The following HMCN1 variants were observed in gnomAD, a reference collection of about 807,000 sequenced individuals.
HMCN1 encodes the protein hemicentin 1, also known as hemicentin-1.
HMCN1 carries 321 observed loss-of-function variants against 625.9 expected under a neutral mutation model. The observed-to-expected ratio is 0.51, with a 90% confidence interval of 0.47 to 0.56. The LOEUF (loss-of-function observed/expected upper bound fraction) is 0.56. HMCN1 is among the 20% of genes least tolerant of loss of function. HMCN1 has a pLI of 0.00. For synonymous variants in HMCN1, 2,425 were observed against 2,417.6 expected (o/e 1.00, Z -0.09); for missense variants, 6,588 against 6,887.3 (o/e 0.96, Z 1.54).
chr1:186,182,098 A>C, intron 104 of HMCN1, 70 bp from the exon 105 acceptor site: 1 of 1,567,820 alleles, frequency 6.4e-7, no homozygotes, highest in Non-Finnish European at 8.8e-7. Context: ...CAACTTGATG[A>C]GAGTTGGCTC....
Position 186,117,490 on chromosome 1 carries a change from T to A in HMCN1, c.11715T>A (p.Asp3905Glu). 1.2e-6 allele frequency: 2 copies of A among 1,613,936 alleles called. No homozygotes were observed. Among genetic ancestry groups the A allele is most frequent in the Non-Finnish European group, 1.7e-6 (2 of 1,179,856 alleles). The change falls in exon 77 of 107, where the codon GAT (aspartate) becomes GAA (glutamate). Residue 3905 changes from aspartate to glutamate, a missense_variant. Asp to Glu is a conservative substitution (Grantham distance 45). This residue lies in a region of HMCN1 where 4,628 missense variants were observed against 4,853.1 expected (regional missense o/e 0.95). Transcript: ENST00000271588. ...VPPSIADEPT[D>E]FLVTKHAPAV... ...CTTCCATAGCTGATGAGCCTACAGA[T>A]TTCCTAGTAACCAAACATGCCCCAG...
At chr1:185,777,268 A>G (rs998500774) in intron 1 of HMCN1, among the ~76,000 whole-genome samples, 3 of 152,178 alleles carry the variant, frequency 2.0e-5, no homozygotes, top group African/African-American at 4.8e-5. Flanking sequence ...GAAGGCATCA[A>G]TGCAGAACAT....
At chr1:186,113,379 A>G (rs1660979059) in intron 72 of HMCN1, among the ~76,000 whole-genome samples, 1 of 152,254 alleles carries the variant, frequency 6.6e-6, no homozygotes, top group Non-Finnish European at 1.5e-5. Context: ...GCCAACATCT[A>G]GGAAGATAAT....
chr1:185,970,346 T>G lies in HMCN1; in HGVS notation c.2224T>G (p.Leu742Val). 6.2e-7 allele frequency: 1 copy of G among 1,613,578 alleles called. No individual in the cohort carries two copies. The part of the protein sequence containing the change: ...QVKWFKGDLE[L>V]RPSTFLIIDP... ...TTGTTTTGACTTAGGAGATCTTGAGTTGAGGCCCTCAACATTCCTCATTAT... is the reference window on the plus strand; with the variant it reads ...TTGTTTTGACTTAGGAGATCTTGAGGTGAGGCCCTCAACATTCCTCATTAT... The change falls in exon 15 of 107, where the codon TTG becomes GTG. Residue 742 changes from leucine to valine, a missense_variant. Leu to Val is a conservative substitution (Grantham distance 32). Around this residue, in one of 3 missense-constraint regions of HMCN1, gnomAD observed 4,628 missense variants for 4,853.1 expected, o/e 0.95. Transcript: ENST00000271588.
chr1:186,122,602 G>C (rs2102494257), intron 80 of HMCN1, among the ~76,000 whole-genome samples: 1 of 152,350 alleles, frequency 6.6e-6, no homozygotes, highest in Non-Finnish European at 1.5e-5. Context: ...CATTTTGGAA[G>C]TTTAAATACC....
chr1:186,103,377 T>G, intron 68 of HMCN1, 95 bp from the exon 69 acceptor site: 3 of 961,332 alleles, frequency 3.1e-6, no homozygotes, highest in Non-Finnish European at 5.0e-6. Flanking sequence ...TTTTATCATG[T>G]GAATGTGAAT....
At chr1:185,914,026 A>C (rs1417406604) in intron 6 of HMCN1, among the ~76,000 whole-genome samples, 2 of 152,244 alleles carry the variant, frequency 1.3e-5, no homozygotes, top group African/African-American at 4.8e-5. Flanking sequence ...TTTATCTTAA[A>C]TGTTTATCTA....
intron 70 of HMCN1, among the ~76,000 whole-genome samples, chr1:186,108,048 A>AG (rs1660701618): frequency 6.6e-6 from 1 of 151,238 alleles, no homozygotes; most frequent in African/African-American, 2.4e-5. Context: ...AAAAAAAAAA[A>AG]AAAAAAAAAA....
chr1:185,869,499 T>C (rs1489864791), intron 4 of HMCN1, among the ~76,000 whole-genome samples: 1 of 152,108 alleles, frequency 6.6e-6, no homozygotes, highest in African/African-American at 2.4e-5. Flanking sequence ...TGCTAGAAAT[T>C]AGATGTCTGA....
Position 186,146,022 on chromosome 1 carries a change from G to A in HMCN1, c.14608+99G>A, listed in dbSNP as rs547322297. On this transcript the variant is annotated intron_variant, in intron 93 of 106. Coordinates refer to ENST00000271588, the MANE Select transcript of HMCN1 (RefSeq NM_031935.3). ...CAAAACAATGCCAACCCTGAGAGGT[G>A]GAATTAGAAAAAAAAAAAAAAGTGC... 5.0e-6 allele frequency: 6 copies of A among 1,199,640 alleles called. No homozygotes were observed. The African/African-American group carries it at 6.7e-5, about 13-fold the overall frequency. 74.3% of individuals were successfully genotyped at this position (1,199,640 alleles called of 1,614,324 possible). A position where few individuals can be genotyped will look rare whatever the true frequency, so the allele number is the denominator to read the frequency against.
chr1:186,084,076 A>G (rs1038966445), intron 57 of HMCN1, among the ~76,000 whole-genome samples: 12 of 152,160 alleles, frequency 7.9e-5, no homozygotes, highest in South Asian at 4.1e-4. Flanking sequence ...TTCCTTCTCT[A>G]TGTCAGAAAA....
chr1:185,741,016 A>G (rs1653960001), intron 1 of HMCN1, among the ~76,000 whole-genome samples: 1 of 152,034 alleles, frequency 6.6e-6, no homozygotes, highest in Non-Finnish European at 1.5e-5. Context: ...GAAAACAAAA[A>G]CAAAAACAAG....
chr1:186,154,430 G>A (rs1457356693), intron 97 of HMCN1, among the ~76,000 whole-genome samples: 2 of 152,112 alleles, frequency 1.3e-5, no homozygotes, highest in Non-Finnish European at 2.9e-5. Flanking sequence ...GCTGAGGCAG[G>A]AGAATTGCTT....
Position 186,144,318 on chromosome 1 carries a change from A to G in HMCN1, c.14070A>G (p.Gln4690=), listed in dbSNP as rs1221631144. 2 of 1,613,694 alleles carry G rather than the reference A, an allele frequency of 1.2e-6. No homozygotes were observed. Among genetic ancestry groups the G allele is most frequent in the Non-Finnish European group, 1.7e-6 (2 of 1,179,992 alleles). ...GTGATGGAGCAGAAACACAGATGCA[A>G]GTTTGCAATGAAAGAAATTGTCCAA... The part of the protein sequence containing the change: ...SYCDGAETQM[Q]VCNERNCPIH... The change falls in exon 90 of 107, where the codon CAA becomes CAG. Residue 4690 remains glutamine (Q), a synonymous_variant. Coordinates refer to ENST00000271588, the MANE Select transcript of HMCN1 (RefSeq NM_031935.3).
intron 11 of HMCN1, among the ~76,000 whole-genome samples, chr1:185,953,480 C>G (rs1649386150): frequency 1.3e-5 from 2 of 151,806 alleles, no homozygotes; most frequent in South Asian, 4.1e-4. Context: ...TCCTTTGTCT[C>G]TACCAGAAAA....
intron 50 of HMCN1, among the ~76,000 whole-genome samples, chr1:186,069,301 C>T (rs1249966311): frequency 6.6e-6 from 1 of 152,126 alleles, no homozygotes; most frequent in Non-Finnish European, 1.5e-5. Flanking sequence ...TGCTTCAGCA[C>T]AATTAATTTC....
intron 1 of HMCN1, among the ~76,000 whole-genome samples, chr1:185,800,558 T>C (rs1658728136): frequency 6.6e-6 from 1 of 152,082 alleles, no homozygotes; most frequent in South Asian, 2.1e-4. Context: ...TGAAGATTAG[T>C]GATAAGCACC....
intron 1 of HMCN1, among the ~76,000 whole-genome samples, chr1:185,821,177 A>AT (rs1660163305): frequency 6.6e-6 from 1 of 151,394 alleles, no homozygotes; most frequent in Admixed American, 6.6e-5. Context: ...TCATACAGAT[A>AT]TTATTGTGTA....
chr1:185,987,503 A>G lies in HMCN1; in HGVS notation c.3007A>G (p.Lys1003Glu). Residue 1003 changes from lysine to glutamate, a missense_variant, in exon 20 of 107, where the codon AAA (lysine) becomes GAA (glutamate). Lys to Glu is a moderately conservative substitution (Grantham distance 56, BLOSUM62 1). This residue lies in a region of HMCN1 where 4,628 missense variants were observed against 4,853.1 expected (regional missense o/e 0.95). Transcript: ENST00000271588. ...AGGCATTCCAGTAACTTTACCATGC[A>G]AAGCAAGTGGAAATCCCAAACCGTC... is the stretch of plus-strand genomic sequence containing the variant. ...IEGIPVTLPC[K>E]ASGNPKPSVI... The G allele has an allele frequency of 1.9e-6, 3 of 1,613,868 alleles. No homozygotes were observed. Among genetic ancestry groups the G allele is most frequent in the Non-Finnish European group, 2.5e-6 (3 of 1,179,696 alleles).
Sources: gnomAD v4.1 joint callset for allele counts (sites outside exome capture counted in the v4.1 genomes callset) on GRCh38, gnomAD v4.1.1 for gene constraint, gnomAD v4.1.1 regional missense constraint, MANE v1.5 for transcripts, NCBI Gene and HGNC (gene_info 2026-07-23, HGNC 2026-07-21) for gene names.